CCDC144A: variants seen among roughly 807,000 people sequenced by gnomAD.
CCDC144A encodes the protein coiled-coil domain-containing protein 144A.
In CCDC144A, 41 loss-of-function variants were observed where a neutral mutation model predicts 143.8. The observed-to-expected ratio is 0.29, with a 90% CI of 0.22 to 0.37. CCDC144A has a LOEUF of 0.37. Among genes scored for constraint, CCDC144A ranks in the 10% least tolerant of loss-of-function variants. CCDC144A has a pLI of 1.00. For synonymous variants in CCDC144A, 242 were observed against 517.9 expected (o/e 0.47, Z 7.23); for missense variants, 637 against 1,488.8 (o/e 0.43, Z 9.41).
At position 16,719,577 on chromosome 17, in the gene CCDC144A, A is replaced by G. The variant is rs879183252; in HGVS notation, c.1716-621A>G. Among the ~76,000 whole-genome samples, 543 of 152,248 alleles carry G rather than the reference A, an allele frequency of 3.6e-3. 5 individuals are homozygous for G. The highest frequency in any genetic ancestry group is 0.012 in the African/African-American group (515 of 41,496). ...GTTCTGGGTCTGCTACTGACCAGCT[A>G]TATGGGCTGAGGACAGTCACTTGGC... On this transcript the variant is annotated intron_variant, in intron 6 of 16. Transcript: ENST00000399273.
intron 12 of CCDC144A, among the ~76,000 whole-genome samples, chr17:16,739,446 G>A (rs944784805): frequency 7.3e-5 from 11 of 150,952 alleles, no homozygotes; most frequent in Admixed American, 1.3e-4. Context: ...AAGCACAGAA[G>A]TTTCACATTT....
At chr17:16,700,151 C>CA (rs1911650841) in intron 2 of CCDC144A, among the ~76,000 whole-genome samples, 1 of 152,042 alleles carries the variant, frequency 6.6e-6, no homozygotes, top group African/African-American at 2.4e-5. Flanking sequence ...CAAAAAGACA[C>CA]AAAGCAACAT....
chr17:16,695,264 T>A (rs1911332141), intron 2 of CCDC144A: 1 of 152,240 alleles, frequency 6.6e-6, no homozygotes, highest in Non-Finnish European at 1.5e-5. Context: ...TAAGCATTTT[T>A]TTTCTAATGT....
At chr17:16,699,722 T>A (rs1487746969) in intron 2 of CCDC144A, among the ~76,000 whole-genome samples, 6 of 149,240 alleles carry the variant, frequency 4.0e-5, no homozygotes, top group Non-Finnish European at 8.9e-5. Context: ...GAAAATTGAC[T>A]GTGATCTTAT....
At chr17:16,731,342 C>A in intron 9 of CCDC144A, 1 of 181,176 alleles carries the variant, frequency 5.5e-6, no homozygotes. Context: ...CACTGTAAAT[C>A]ATTTTTATGA....
chr17:16,680,581 A>AAG, the CCDC144A span, among the ~76,000 whole-genome samples: 1 of 149,384 alleles, frequency 6.7e-6, no homozygotes, highest in Non-Finnish European at 1.5e-5. Context: ...GAAAGAGAGA[A>AAG]AGAGAGAGAG....
the CCDC144A span, among the ~76,000 whole-genome samples, chr17:16,683,232 C>G: frequency 6.6e-6 from 1 of 152,032 alleles, no homozygotes. Flanking sequence ...GCATATGTTC[C>G]TGAGCGCAAT....
chr17:16,729,821 C>T (rs1913632284), intron 9 of CCDC144A, among the ~76,000 whole-genome samples: 1 of 148,454 alleles, frequency 6.7e-6, no homozygotes, highest in South Asian at 2.2e-4. Flanking sequence ...CGTGTCACTG[C>T]ACTCCAGCCT....
intron 6 of CCDC144A, among the ~76,000 whole-genome samples, chr17:16,718,977 G>T (rs1378089794): frequency 1.5e-5 from 2 of 137,210 alleles, no homozygotes; most frequent in African/African-American, 3.0e-5. Flanking sequence ...GATTACAGGC[G>T]CCCGCCACCG....
the CCDC144A span, chr17:16,684,304 A>C: frequency 1.3e-6 from 1 of 762,374 alleles, no homozygotes; most frequent in Non-Finnish European, 2.4e-6. Flanking sequence ...TTAATGGTTT[A>C]TGTAAGTGGT....
chr17:16,678,536 G>T, the CCDC144A span, among the ~76,000 whole-genome samples: 1 of 151,738 alleles, frequency 6.6e-6, no homozygotes, highest in Non-Finnish European at 1.5e-5. Flanking sequence ...GGGGGAAACA[G>T]AACTGAATTT....
intron 2 of CCDC144A, among the ~76,000 whole-genome samples, chr17:16,704,377 C>T (rs914810031): frequency 1.3e-5 from 2 of 152,144 alleles, no homozygotes; most frequent in African/African-American, 4.8e-5. Context: ...ATGGTGTGAA[C>T]CCGGGAGGCG....
the CCDC144A span, among the ~76,000 whole-genome samples, chr17:16,670,291 CTTTTTTTT>C: frequency 1.6e-5 from 2 of 127,860 alleles, no homozygotes; most frequent in African/African-American, 3.0e-5. Flanking sequence ...TTTCTTTTTT[CTTTTTTTT>C]TTTTTTTTGA....
intron 12 of CCDC144A, among the ~76,000 whole-genome samples, chr17:16,746,940 T>A (rs1229348126): frequency 2.0e-5 from 3 of 150,898 alleles, no homozygotes; most frequent in Non-Finnish European, 3.0e-5. Flanking sequence ...TTTTGACTTT[T>A]GTTGCAATTG....
At chr17:16,679,998 T>C in the CCDC144A span, among the ~76,000 whole-genome samples, 3 of 152,170 alleles carry the variant, frequency 2.0e-5, no homozygotes, top group African/African-American at 7.2e-5. Context: ...TTTTAAACTT[T>C]AGAAGAAATT....
At chr17:16,674,450 G>A in the CCDC144A span, among the ~76,000 whole-genome samples, 1 of 151,452 alleles carries the variant, frequency 6.6e-6, no homozygotes, top group Non-Finnish European at 1.5e-5. Flanking sequence ...CTTAATGTAA[G>A]ATAGATAAAT....
intron 16 of CCDC144A, among the ~76,000 whole-genome samples, chr17:16,773,143 G>GAA (rs1397308110): frequency 1.3e-5 from 2 of 151,820 alleles, no homozygotes; most frequent in East Asian, 3.9e-4. Context: ...AGTTAACTAT[G>GAA]AAATATATAG....
rs1597600189 is a variant in CCDC144A at position 16,771,917 on chromosome 17, G to A, written c.4099-60G>A. On this transcript the variant is annotated intron_variant, in intron 15 of 16. Transcript: ENST00000399273. ...TTAAAGGCCGCATTTTGTAATTAAT[G>A]CTCCTTACCATGATAATGTATCTTC... The A allele has an allele frequency of 2.9e-6, 4 of 1,368,760 alleles. No homozygotes were observed. The African/African-American group carries it at 6.0e-5, about 21-fold the overall frequency. The allele number at this position is 1,368,760 out of a possible 1,614,324, so 84.8% of individuals were successfully genotyped here.
chr17:16,701,152 A>G (rs2143076227), intron 2 of CCDC144A, among the ~76,000 whole-genome samples: 1 of 151,898 alleles, frequency 6.6e-6, no homozygotes, highest in South Asian at 2.1e-4. Context: ...ATTTAGGGTA[A>G]TAGCAAGTTC....
Sources: allele counts gnomAD v4.1 joint callset (sites outside exome capture counted in the v4.1 genomes callset), GRCh38; gene constraint gnomAD v4.1.1; transcripts MANE v1.5; gene names NCBI Gene and HGNC (gene_info 2026-07-23, HGNC 2026-07-21).